HEATR5A: variants seen among roughly 807,000 people sequenced by gnomAD.
HEATR5A encodes HEAT repeat-containing protein 5A.
In HEATR5A, 178 loss-of-function variants were observed where a neutral mutation model predicts 218.8. The ratio of observed to expected loss-of-function variants is 0.81; its 90% CI spans 0.72 to 0.92. The LOEUF (loss-of-function observed/expected upper bound fraction) is 0.92. Among genes scored for constraint, HEATR5A ranks in the 40% least tolerant of loss-of-function variants. The pLI is 0.00. For missense variants in HEATR5A, 2,420 were observed against 2,418.9 expected (o/e 1.00, Z -0.01); for synonymous variants, 864 against 871.6 (o/e 0.99, Z 0.15).
intron 1 of HEATR5A, among the ~76,000 whole-genome samples, chr14:31,419,525 T>C (rs1488698232): frequency 1.3e-5 from 2 of 152,190 alleles, no homozygotes; most frequent in Non-Finnish European, 2.9e-5. Flanking sequence ...CTTTTTTTCC[T>C]CCTTAAACTT....
At position 31,321,637 on chromosome 14, in the gene HEATR5A, A is replaced by G. The variant is rs1451325071; in HGVS notation, c.3831T>C (p.Ala1277=). 1 of 1,610,518 alleles carries G rather than the reference A, an allele frequency of 6.2e-7. No individual in the cohort carries two copies. The highest frequency in any genetic ancestry group is 2.2e-5 in the East Asian group (1 of 44,792). Residue 1277 remains alanine (A), a synonymous_variant, in exon 25 of 36, where the codon GCT becomes GCC. Transcript: ENST00000543095. The part of the protein sequence containing the change: ...VLHLADLIRM[A]FMAATDHSDQ... ...CACTGTGATCTGTGGCAGCCATAAA[A>G]GCCATGCGAATTAAGTCAGCAAGAT...
At chr14:31,410,980 T>C (rs1017505475) in intron 1 of HEATR5A, among the ~76,000 whole-genome samples, 1 of 152,300 alleles carries the variant, frequency 6.6e-6, no homozygotes, top group East Asian at 1.9e-4. Context: ...AATATAATAA[T>C]GATTTAAGCT....
chr14:31,379,902 G>A (rs897453657), intron 11 of HEATR5A, among the ~76,000 whole-genome samples: 11 of 152,170 alleles, frequency 7.2e-5, no homozygotes, highest in Non-Finnish European at 1.6e-4. Flanking sequence ...AGGCTGCAGT[G>A]AGCCATGATC....
intron 11 of HEATR5A, among the ~76,000 whole-genome samples, chr14:31,376,285 G>A (rs961441018): frequency 5.9e-5 from 9 of 152,116 alleles, no homozygotes; most frequent in South Asian, 4.2e-4. Context: ...AGAGGCCGAG[G>A]CTGAAGGATT....
intron 1 of HEATR5A, among the ~76,000 whole-genome samples, chr14:31,412,691 T>C (rs938739405): frequency 1.3e-5 from 2 of 151,666 alleles, no homozygotes; most frequent in Non-Finnish European, 2.9e-5. Flanking sequence ...AGGAGTTCCA[T>C]GGAGAAACTC....
At chr14:31,311,674 T>C (rs1899757737) in intron 28 of HEATR5A, among the ~76,000 whole-genome samples, 2 of 147,220 alleles carry the variant, frequency 1.4e-5, no homozygotes, top group South Asian at 2.1e-4. Flanking sequence ...GTTGTGTATA[T>C]ATATATATAT....
At chr14:31,316,542 A>T (rs1899919075) in intron 26 of HEATR5A, among the ~76,000 whole-genome samples, 1 of 152,246 alleles carries the variant, frequency 6.6e-6, no homozygotes, top group Non-Finnish European at 1.5e-5. Flanking sequence ...AGATGTATTA[A>T]TATGGAGAAA....
chr14:31,367,396 C>CTTAT (rs761820539), intron 13 of HEATR5A, among the ~76,000 whole-genome samples: 26 of 151,518 alleles, frequency 1.7e-4, no homozygotes, highest in Admixed American at 8.6e-4. Flanking sequence ...TAAAATTTAT[C>CTTAT]TTATTTATTT....
At chr14:31,332,606 G>A (rs1479093769) in intron 22 of HEATR5A, among the ~76,000 whole-genome samples, 2 of 152,144 alleles carry the variant, frequency 1.3e-5, no homozygotes. Context: ...AAAAGTTCTT[G>A]AAGGAAATTT....
At chr14:31,395,105 C>A in intron 5 of HEATR5A, 94 bp downstream of exon 5, 1 of 786,124 alleles carries the variant, frequency 1.3e-6, no homozygotes, top group Non-Finnish European at 1.9e-6. Flanking sequence ...AGCTGACTAC[C>A]AAGATCATGT....
intron 4 of HEATR5A, among the ~76,000 whole-genome samples, 168 bp from the exon 5 acceptor site, chr14:31,395,516 GAA>G: frequency 6.6e-6 from 1 of 152,126 alleles, no homozygotes; most frequent in Non-Finnish European, 1.5e-5. Flanking sequence ...AATATTATTT[GAA>G]AAGTTACTTG....
chr14:31,309,111 G>A lies in HEATR5A; in HGVS notation c.4513C>T (p.Leu1505Phe), dbSNP rs1327332021. The A allele has an allele frequency of 6.2e-7, 1 of 1,613,966 alleles. No homozygotes were observed. The highest frequency in any genetic ancestry group is 8.5e-7 in the Non-Finnish European group (1 of 1,179,866). ...GTAAGCCACAATGCTGTAGCATGGA[G>A]GATAAGTGCCCAGGAGTTGTAATAA... ...LHYYNSWALI[L>F]HATALWLTST... Residue 1505 changes from leucine (L) to phenylalanine (F), a missense_variant, in exon 29 of 36, where the codon CTC (leucine) becomes TTC (phenylalanine). Leu to Phe is a conservative substitution (Grantham distance 22). Coordinates refer to ENST00000543095, the MANE Select transcript of HEATR5A (RefSeq NM_015473.4).
rs772655228 is a variant in HEATR5A at position 31,347,755 on chromosome 14, T to G, written c.2861A>C (p.Asp954Ala). 6.3e-7 allele frequency: 1 copy of G among 1,593,168 alleles called. No individual in the cohort carries two copies. The highest frequency in any genetic ancestry group is 1.8e-5 in the Admixed American group (1 of 55,344). ...YTLAQDSTSP[D>A]VQTWALHSLS... ...ATCACATGAGGTACCCACCTGCACA[T>G]CAGGAGAAGTGCTGTCCTGCGCCAA... The change falls in exon 19 of 36, where the codon GAT becomes GCT. Residue 954 changes from aspartate to alanine, a missense_variant. Transcript: ENST00000543095.
At chr14:31,418,297 T>G (rs914450779) in intron 1 of HEATR5A, among the ~76,000 whole-genome samples, 1 of 152,158 alleles carries the variant, frequency 6.6e-6, no homozygotes, top group African/African-American at 2.4e-5. Flanking sequence ...ATTAAGCACT[T>G]AAGAGCTCTA....
In HEATR5A at chr14:31,371,818, C is replaced by T. The variant is rs1418832841; in HGVS notation, c.1953G>A (p.Leu651=). 9 of 1,507,490 alleles carry T rather than the reference C, an allele frequency of 6.0e-6. No homozygotes were observed. The highest frequency in any genetic ancestry group is 1.3e-5 in the South Asian group (1 of 79,878). 93.4% of individuals were successfully genotyped at this position (1,507,490 alleles called of 1,614,324 possible). ...LLPPLPCAVD[L]LTQLSSILKM... ...AAACAGTCGATGCTTACTGAGTTAG[C>T]AAATCCACAGCACAAGGAAGTGGTG... is the stretch of plus-strand genomic sequence containing the variant. The change falls in exon 13 of 36, where the codon TTG becomes TTA. Residue 651 remains leucine, a synonymous_variant. Transcript: ENST00000543095.
chr14:31,411,147 GA>G (rs889824919), intron 1 of HEATR5A, among the ~76,000 whole-genome samples: 4 of 151,732 alleles, frequency 2.6e-5, no homozygotes, highest in Non-Finnish European at 4.4e-5. Flanking sequence ...AACTCTTTTA[GA>G]AAAAAATATT....
chr14:31,334,881 G>A (rs938088551), intron 22 of HEATR5A, among the ~76,000 whole-genome samples: 6 of 146,278 alleles, frequency 4.1e-5, no homozygotes, highest in African/African-American at 1.5e-4. Context: ...GGGAGGCGGA[G>A]CTTGCAGTGA....
intron 32 of HEATR5A, among the ~76,000 whole-genome samples, chr14:31,303,836 T>G (rs1899467375): frequency 6.6e-6 from 1 of 151,986 alleles, no homozygotes; most frequent in Non-Finnish European, 1.5e-5. Flanking sequence ...CTCTTGGGTT[T>G]AGGATTTGCA....
intron 35 of HEATR5A, 74 bp downstream of exon 35, chr14:31,293,817 T>C: frequency 7.9e-7 from 1 of 1,258,712 alleles, no homozygotes; most frequent in South Asian, 1.3e-5. Flanking sequence ...TGTGACTGAT[T>C]GTTTTGCAAT....
Sources: allele counts gnomAD v4.1 joint callset (sites outside exome capture counted in the v4.1 genomes callset), GRCh38; gene constraint gnomAD v4.1.1; transcripts MANE v1.5; gene names NCBI Gene and HGNC (gene_info 2026-07-23, HGNC 2026-07-21).